Variants in ARMH4 observed in about 807,000 individuals in gnomAD.
ARMH4 encodes armadillo like helical domain containing 4, also known as armadillo-like helical domain-containing protein 4.
Under a neutral mutation model 61.9 loss-of-function variants are expected in ARMH4, and 49 were observed. The ratio of observed to expected loss-of-function variants is 0.79; its 90% confidence interval spans 0.63 to 1.00. ARMH4 has a LOEUF of 1.00. Ranked by LOEUF, ARMH4 falls within the 50% of genes least tolerant of loss-of-function variation. ARMH4 has a pLI of 0.00. For synonymous variants in ARMH4, 368 were observed against 341.5 expected (o/e 1.08, Z -0.85); for missense variants, 934 against 930.0 (o/e 1.00, Z -0.06).
intron 4 of ARMH4, among the ~76,000 whole-genome samples, chr14:58,123,229 G>C (rs1284114000): frequency 6.6e-6 from 1 of 152,192 alleles, no homozygotes; most frequent in East Asian, 1.9e-4. Flanking sequence ...CTGAACATAG[G>C]AGAAGGAACA....
At chr14:58,085,325 C>T (rs1311010680) in intron 5 of ARMH4, among the ~76,000 whole-genome samples, 1 of 151,830 alleles carries the variant, frequency 6.6e-6, no homozygotes, top group African/African-American at 2.4e-5. Flanking sequence ...TTCTTCCTTT[C>T]TGAAAAACTT....
chr14:58,135,329 GCACA>G (rs1566597620), intron 2 of ARMH4, among the ~76,000 whole-genome samples: 5 of 152,202 alleles, frequency 3.3e-5, no homozygotes, highest in African/African-American at 1.2e-4. Context: ...TGTACCTCTA[GCACA>G]TAGGGCAATG....
At chr14:58,044,037 G>A (rs1040546771) in intron 5 of ARMH4, among the ~76,000 whole-genome samples, 5 of 152,110 alleles carry the variant, frequency 3.3e-5, no homozygotes, top group Non-Finnish European at 7.3e-5. Flanking sequence ...TGGCCATACT[G>A]CCCAAGGTAA....
intron 5 of ARMH4, among the ~76,000 whole-genome samples, chr14:58,066,727 A>G (rs1205231127): frequency 6.6e-6 from 1 of 152,230 alleles, no homozygotes; most frequent in Non-Finnish European, 1.5e-5. Flanking sequence ...AAACAGCTGT[A>G]CTGCATACTA....
At chr14:58,008,223 A>G (rs1171751262) in intron 6 of ARMH4, among the ~76,000 whole-genome samples, 7 of 152,192 alleles carry the variant, frequency 4.6e-5, no homozygotes, top group Admixed American at 4.6e-4. Flanking sequence ...ACAGGCCACA[A>G]CACATGCAAC....
At chr14:58,081,954 A>G (rs761480260) in intron 5 of ARMH4, among the ~76,000 whole-genome samples, 5 of 152,298 alleles carry the variant, frequency 3.3e-5, no homozygotes, top group Non-Finnish European at 5.9e-5. Flanking sequence ...GGAAAAAAAA[A>G]AACCTTAGAT....
intron 5 of ARMH4, among the ~76,000 whole-genome samples, chr14:58,079,424 G>T (rs148851248): frequency 7.9e-4 from 120 of 152,230 alleles, no homozygotes; most frequent in African/African-American, 2.7e-3. Flanking sequence ...CCCACCCCCA[G>T]ATAACTAACC....
chr14:58,131,224 A>G, intron 4 of ARMH4: 2 of 337,088 alleles, frequency 5.9e-6, no homozygotes, highest in South Asian at 8.5e-5. Context: ...GTTCCAATAT[A>G]GCTTTATTTA....
At chr14:58,010,761 T>C (rs564018638) in intron 6 of ARMH4, among the ~76,000 whole-genome samples, 3 of 152,106 alleles carry the variant, frequency 2.0e-5, no homozygotes, top group African/African-American at 7.2e-5. Flanking sequence ...GGTAAAGCTA[T>C]ATATACATGC....
chr14:58,033,833 C>T (rs369833271), intron 5 of ARMH4, among the ~76,000 whole-genome samples: 3 of 33,302 alleles, frequency 9.0e-5, no homozygotes, highest in Non-Finnish European at 1.3e-4. Context: ...TGAAATGAAG[C>T]AAGAAGGGAA....
At chr14:58,132,304 G>T (rs1236023851) in intron 3 of ARMH4, among the ~76,000 whole-genome samples, 1 of 152,192 alleles carries the variant, frequency 6.6e-6, no homozygotes, top group Non-Finnish European at 1.5e-5. Context: ...TTGTAGACAT[G>T]ATTTCAAATT....
At chr14:58,022,693 G>A (rs985876894) in intron 5 of ARMH4, among the ~76,000 whole-genome samples, 2 of 152,066 alleles carry the variant, frequency 1.3e-5, no homozygotes, top group African/African-American at 4.8e-5. Context: ...CTGTCACAGG[G>A]TCTACTTTTA....
intron 5 of ARMH4, among the ~76,000 whole-genome samples, chr14:58,044,857 A>C (rs938999264): frequency 6.6e-6 from 1 of 152,260 alleles, no homozygotes. Flanking sequence ...AGACACATGA[A>C]AAAATGCTCA....
intron 5 of ARMH4, among the ~76,000 whole-genome samples, chr14:58,082,694 C>G (rs1298400565): frequency 6.6e-6 from 1 of 152,200 alleles, no homozygotes; most frequent in Non-Finnish European, 1.5e-5. Flanking sequence ...GACTCATCAG[C>G]TCCTGGAGAG....
chr14:58,032,679 A>G (rs1165798544), intron 5 of ARMH4, among the ~76,000 whole-genome samples: 1 of 151,880 alleles, frequency 6.6e-6, no homozygotes, highest in Non-Finnish European at 1.5e-5. Flanking sequence ...CAGTGGGCGC[A>G]GGCCAGTGTG....
At chr14:58,100,688 G>A (rs887316335) in intron 4 of ARMH4, among the ~76,000 whole-genome samples, 1 of 152,154 alleles carries the variant, frequency 6.6e-6, no homozygotes, top group Admixed American at 6.5e-5. Context: ...ATTCTTGACA[G>A]GTGTTTTCTC....
intron 5 of ARMH4, among the ~76,000 whole-genome samples, chr14:58,013,946 C>A (rs1297146648): frequency 1.3e-5 from 2 of 152,006 alleles, no homozygotes; most frequent in African/African-American, 4.8e-5. Context: ...ATCACTTGAA[C>A]CCAGAAGGCA....
At chr14:58,084,485 T>C (rs1231819730) in intron 5 of ARMH4, among the ~76,000 whole-genome samples, 7 of 152,202 alleles carry the variant, frequency 4.6e-5, no homozygotes, top group African/African-American at 1.7e-4. Flanking sequence ...CAGGTGGTAG[T>C]TCACCCAATG....
chr14:58,134,850 G>A (rs117339634), intron 2 of ARMH4, among the ~76,000 whole-genome samples: 2,453 of 151,670 alleles, frequency 0.016, 25 homozygotes, highest in Middle Eastern at 0.021. Context: ...CCAGCCACCC[G>A]GGAGGATGAG....
Sources: allele counts gnomAD v4.1 joint callset (sites outside exome capture counted in the v4.1 genomes callset), GRCh38; gene constraint gnomAD v4.1.1; transcripts MANE v1.5; gene names NCBI Gene and HGNC (gene_info 2026-07-23, HGNC 2026-07-21).